GLIS1: variants seen among roughly 807,000 people sequenced by gnomAD.
GLIS1 encodes the protein zinc finger protein GLIS1.
In GLIS1, 24 loss-of-function variants were observed where a neutral mutation model predicts 63.8. That is an observed-to-expected ratio of 0.38 (90% CI 0.27 to 0.53). The LOEUF is 0.53. GLIS1 is among the 20% of genes least tolerant of loss of function. GLIS1 has a pLI of 0.85. For missense variants in GLIS1, 1,036 were observed against 1,074.1 expected (o/e 0.96, Z 0.50); for synonymous variants, 450 against 482.5 (o/e 0.93, Z 0.88).
At chr1:53,597,079 T>C (rs1645263054) in intron 3 of GLIS1, among the ~76,000 whole-genome samples, 1 of 148,144 alleles carries the variant, frequency 6.8e-6, no homozygotes, top group Non-Finnish European at 1.5e-5. Flanking sequence ...ACTAGTTATG[T>C]AGCCTCTCTA....
intron 4 of GLIS1, among the ~76,000 whole-genome samples, chr1:53,567,025 G>GA (rs1342502333): frequency 6.6e-6 from 1 of 152,160 alleles, no homozygotes; most frequent in African/African-American, 2.4e-5. Flanking sequence ...GCAGAAGTTG[G>GA]AACAATATGG....
chr1:53,564,668 T>C (rs1039507299), intron 4 of GLIS1, among the ~76,000 whole-genome samples: 2 of 151,986 alleles, frequency 1.3e-5, no homozygotes, highest in African/African-American at 4.8e-5. Context: ...AGATATACCA[T>C]ACAATTACTA....
intron 4 of GLIS1, among the ~76,000 whole-genome samples, chr1:53,537,918 G>A (rs1004974958): frequency 3.9e-5 from 6 of 152,234 alleles, no homozygotes; most frequent in African/African-American, 1.4e-4. Flanking sequence ...ATTTTTGTAC[G>A]AACTTTTAAG....
At chr1:53,627,292 T>A (rs1434790614) in intron 2 of GLIS1, among the ~76,000 whole-genome samples, 1 of 152,182 alleles carries the variant, frequency 6.6e-6, no homozygotes, top group Non-Finnish European at 1.5e-5. Flanking sequence ...ACAATTCATT[T>A]TCAGTAATTA....
At chr1:53,544,112 G>T (rs1167860044) in intron 4 of GLIS1, among the ~76,000 whole-genome samples, 1 of 152,158 alleles carries the variant, frequency 6.6e-6, no homozygotes, top group Admixed American at 6.5e-5. Flanking sequence ...CATTATGTCA[G>T]GAATAATATA....
chr1:53,738,773 A>G (rs755498717), intron 1 of GLIS1, among the ~76,000 whole-genome samples: 38 of 152,150 alleles, frequency 2.5e-4, no homozygotes, highest in African/African-American at 6.0e-4. Context: ...GCAAACCGGC[A>G]CAGTGGGCAA....
At chr1:53,625,931 T>C (rs1645589413) in intron 2 of GLIS1, among the ~76,000 whole-genome samples, 1 of 152,188 alleles carries the variant, frequency 6.6e-6, no homozygotes, top group African/African-American at 2.4e-5. Context: ...GTCTCTCCTA[T>C]CAGAGGTGAC....
intron 4 of GLIS1, among the ~76,000 whole-genome samples, chr1:53,531,850 T>G (rs1644534371): frequency 6.6e-6 from 1 of 152,172 alleles, no homozygotes; most frequent in Non-Finnish European, 1.5e-5. Context: ...CCAACACTGA[T>G]GCATTCACCT....
At chr1:53,737,113 T>C (rs994330866) in intron 2 of GLIS1, among the ~76,000 whole-genome samples, 1 of 152,364 alleles carries the variant, frequency 6.6e-6, no homozygotes, top group South Asian at 2.1e-4. Context: ...AGCATGTTCC[T>C]GAAAATCCCA....
intron 2 of GLIS1, among the ~76,000 whole-genome samples, chr1:53,658,255 T>G (rs1323670196): frequency 6.6e-6 from 1 of 152,186 alleles, no homozygotes; most frequent in Non-Finnish European, 1.5e-5. Flanking sequence ...CCTTTTAGCC[T>G]TCACCATCCT....
chr1:53,692,681 C>A (rs1646419450), intron 2 of GLIS1, among the ~76,000 whole-genome samples: 1 of 152,126 alleles, frequency 6.6e-6, no homozygotes, highest in Non-Finnish European at 1.5e-5. Context: ...AGTGGGGGAC[C>A]CTGACCCAGG....
intron 2 of GLIS1, among the ~76,000 whole-genome samples, chr1:53,692,015 G>A (rs1646411393): frequency 6.6e-6 from 1 of 152,122 alleles, no homozygotes; most frequent in Non-Finnish European, 1.5e-5. Context: ...TGGAGACAGT[G>A]TCTGGCAATT....
chr1:53,523,236 C>T (rs1368156771), intron 6 of GLIS1, among the ~76,000 whole-genome samples: 1 of 152,116 alleles, frequency 6.6e-6, no homozygotes, highest in African/African-American at 2.4e-5. Flanking sequence ...CACCAGAAAG[C>T]TCATGGCGCA....
chr1:53,667,715 G>T (rs1034807396), intron 2 of GLIS1, among the ~76,000 whole-genome samples: 1 of 152,244 alleles, frequency 6.6e-6, no homozygotes, highest in African/African-American at 2.4e-5. Context: ...ATCAGCATCT[G>T]GTGAGGGCCT....
At chr1:53,726,606 A>T (rs1182657313) in intron 2 of GLIS1, among the ~76,000 whole-genome samples, 1 of 151,950 alleles carries the variant, frequency 6.6e-6, no homozygotes, top group African/African-American at 2.4e-5. Flanking sequence ...TCAACAGACA[A>T]CCCTCATCCT....
intron 4 of GLIS1, among the ~76,000 whole-genome samples, chr1:53,576,515 AC>A (rs1395128972): frequency 6.6e-6 from 1 of 151,842 alleles, no homozygotes. Flanking sequence ...TAGCTAGTGC[AC>A]CCCTGACCTC....
chr1:53,627,230 C>T (rs886413958), intron 2 of GLIS1, among the ~76,000 whole-genome samples: 6 of 152,288 alleles, frequency 3.9e-5, no homozygotes, highest in African/African-American at 1.4e-4. Context: ...GCGGCCTGCA[C>T]ATGTGAGCCA....
chr1:53,593,348 C>T (rs888966227), intron 4 of GLIS1, among the ~76,000 whole-genome samples: 5 of 152,262 alleles, frequency 3.3e-5, no homozygotes, highest in African/African-American at 1.2e-4. Flanking sequence ...ACAGTATTCC[C>T]CACAGACGGG....
At chr1:53,710,395 A>C (rs903699838) in intron 2 of GLIS1, among the ~76,000 whole-genome samples, 1 of 152,212 alleles carries the variant, frequency 6.6e-6, no homozygotes. Context: ...GCTTTATCTC[A>C]TTCAGTCTTC....
Sources: allele counts gnomAD v4.1 joint callset (sites outside exome capture counted in the v4.1 genomes callset), GRCh38; gene constraint gnomAD v4.1.1; transcripts MANE v1.5; gene names NCBI Gene and HGNC (gene_info 2026-07-23, HGNC 2026-07-21).